SNX30: variants seen among roughly 807,000 people sequenced by gnomAD.
The protein encoded by SNX30 is sorting nexin family member 30, also known as sorting nexin-30.
A neutral mutation model predicts 46.4 loss-of-function variants in SNX30; 24 were observed. The ratio of observed to expected loss-of-function variants is 0.52; its 90% CI spans 0.37 to 0.73. SNX30 has a LOEUF of 0.73. Among genes scored for constraint, SNX30 ranks in the 30% least tolerant of loss-of-function variants. The probability of loss-of-function intolerance (pLI) is 0.00; values close to 1 mark genes in which losing one functional copy is unlikely to be tolerated. For synonymous variants in SNX30, 189 were observed against 211.5 expected (o/e 0.89, Z 0.92); for missense variants, 533 against 555.7 (o/e 0.96, Z 0.41).
intron 1 of SNX30, among the ~76,000 whole-genome samples, chr9:112,780,508 G>A (rs970358067): frequency 6.6e-6 from 1 of 152,218 alleles, no homozygotes; most frequent in African/African-American, 2.4e-5. Flanking sequence ...GCAGCTGGAA[G>A]GGGATCTCTA....
chr9:112,851,377 G>A (rs1841023559), intron 7 of SNX30, among the ~76,000 whole-genome samples: 1 of 152,228 alleles, frequency 6.6e-6, no homozygotes, highest in Non-Finnish European at 1.5e-5. Context: ...TGAACACATT[G>A]TGTTGAACAC....
chr9:112,861,831 G>A (rs535028891), intron 7 of SNX30, among the ~76,000 whole-genome samples: 65 of 152,244 alleles, frequency 4.3e-4, no homozygotes, highest in African/African-American at 1.4e-3. Context: ...TTAAAGAGCC[G>A]CCTCAGTGCT....
intron 1 of SNX30, among the ~76,000 whole-genome samples, chr9:112,772,721 C>T (rs1839672131): frequency 6.6e-6 from 1 of 152,152 alleles, no homozygotes; most frequent in African/African-American, 2.4e-5. Flanking sequence ...ATCCCAAGAT[C>T]GTAAGTTATG....
intron 7 of SNX30, among the ~76,000 whole-genome samples, chr9:112,851,257 G>T (rs766405013): frequency 1.3e-5 from 2 of 152,198 alleles, no homozygotes; most frequent in Non-Finnish European, 2.9e-5. Flanking sequence ...GCCTAAATCA[G>T]TGCTTTCAAA....
At chr9:112,824,479 A>G (rs1016976279) in intron 3 of SNX30, among the ~76,000 whole-genome samples, 1 of 151,526 alleles carries the variant, frequency 6.6e-6, no homozygotes, top group East Asian at 1.9e-4. Flanking sequence ...TTATCAGCTC[A>G]TGGCCAATCT....
At chr9:112,868,680 A>G in intron 8 of SNX30, 104 bp from the exon 9 acceptor site, 1 of 1,192,526 alleles carries the variant, frequency 8.4e-7, no homozygotes, top group Non-Finnish European at 1.3e-6. Flanking sequence ...AGACAAAGGT[A>G]ACCCAGCAGG....
At chr9:112,808,347 C>T (rs141509039) in intron 2 of SNX30, among the ~76,000 whole-genome samples, 28 of 152,254 alleles carry the variant, frequency 1.8e-4, no homozygotes, top group African/African-American at 6.7e-4. Context: ...GCTCTTTTTG[C>T]CTGAGCTAAA....
At chr9:112,846,787 A>G (rs1588136852) in intron 6 of SNX30, among the ~76,000 whole-genome samples, 1 of 152,250 alleles carries the variant, frequency 6.6e-6, no homozygotes, top group Non-Finnish European at 1.5e-5. Flanking sequence ...CCTCTTCCAC[A>G]AAGCTTTGAA....
downstream of SNX30, among the ~76,000 whole-genome samples, chr9:112,881,936 G>A (rs564127184): frequency 1.3e-5 from 2 of 152,184 alleles, no homozygotes; most frequent in African/African-American, 4.8e-5. Flanking sequence ...ACAACTAGTT[G>A]GGTGGGAAAA....
chr9:112,876,824 T>C (rs959926088), downstream of SNX30, among the ~76,000 whole-genome samples: 1 of 151,902 alleles, frequency 6.6e-6, no homozygotes, highest in African/African-American at 2.4e-5. Context: ...TATTCCCAGC[T>C]GCTCAGGTGG....
At position 112,750,902 on chromosome 9, in the gene SNX30, A is replaced by T; in HGVS notation, c.-100A>T. 1 of 1,084,292 alleles carries T rather than the reference A, an allele frequency of 9.2e-7. No homozygotes were observed. The highest frequency in any genetic ancestry group is 1.1e-6 in the Non-Finnish European group (1 of 887,884). 67.2% of individuals were successfully genotyped at this position (1,084,292 alleles called of 1,614,324 possible). ...CACGGCCGGTGCAAGGCCTCGGGTT[A>T]AGCGGCGGCCGAGCGGGGCTCGGCC... is the stretch of plus-strand genomic sequence containing the variant. On this transcript the variant is annotated 5_prime_UTR_variant, in exon 1 of 9. Transcript: ENST00000374232.
chr9:112,855,155 T>C (rs1841100485), intron 7 of SNX30, among the ~76,000 whole-genome samples: 1 of 152,050 alleles, frequency 6.6e-6, no homozygotes, highest in Non-Finnish European at 1.5e-5. Context: ...CAACTTAAGG[T>C]TTTGCTGTGC....
Position 112,836,368 on chromosome 9 carries a change from C to G in SNX30, c.773C>G (p.Thr258Ser). 1 of 1,606,742 alleles carries G rather than the reference C, an allele frequency of 6.2e-7. No homozygotes were observed. Among genetic ancestry groups the G allele is most frequent in the Non-Finnish European group, 8.5e-7 (1 of 1,173,692 alleles). The change falls in exon 5 of 9, where the codon ACC becomes AGC. Residue 258 changes from threonine to serine, a missense_variant. By Grantham distance (58) the Thr-to-Ser change is moderately conservative (BLOSUM62 1). Around this residue, in one of 3 missense-constraint regions of SNX30, gnomAD observed 261 missense variants for 270.9 expected, o/e 0.96. Transcript: ENST00000374232. Reference sequence around the variant, plus strand: ...GATACATTTGCACTCAAACTGGGAACCATTGATCGAATAGCCCAGCGGATC... The same window carrying G: ...GATACATTTGCACTCAAACTGGGAAGCATTGATCGAATAGCCCAGCGGATC... Reference protein sequence around the residue: ...YLDTFALKLGTIDRIAQRIIK... With the variant: ...YLDTFALKLGSIDRIAQRIIK...
At chr9:112,753,389 A>G (rs1412145047) in intron 1 of SNX30, among the ~76,000 whole-genome samples, 3 of 152,096 alleles carry the variant, frequency 2.0e-5, no homozygotes, top group African/African-American at 4.8e-5. Context: ...TATTGAATAT[A>G]TATGTATTTT....
At position 112,750,832 on chromosome 9, in the gene SNX30, C is replaced by G. The variant is rs1190207958; in HGVS notation, c.-170C>G. On this transcript the variant is annotated 5_prime_UTR_variant, in exon 1 of 9. Transcript: ENST00000374232. Reference sequence around the variant, plus strand: ...GGGCGCGCGGCGCGGAGCGGAGCGTCTGAGCGCCGGCAGAGACCAGCCGGC... The same window carrying G: ...GGGCGCGCGGCGCGGAGCGGAGCGTGTGAGCGCCGGCAGAGACCAGCCGGC... 2.3e-6 allele frequency: 1 copy of G among 430,008 alleles called. No individual in the cohort carries two copies. Among genetic ancestry groups the G allele is most frequent in the Non-Finnish European group, 3.1e-6 (1 of 320,314 alleles). 26.6% of individuals were successfully genotyped at this position (430,008 alleles called of 1,614,324 possible).
chr9:112,852,858 T>C (rs1841051598), intron 7 of SNX30, among the ~76,000 whole-genome samples: 2 of 152,176 alleles, frequency 1.3e-5, no homozygotes, highest in Admixed American at 1.3e-4. Context: ...GATTTCCTCC[T>C]TTGCCATGGT....
chr9:112,758,141 T>TA (rs1478107778), intron 1 of SNX30, among the ~76,000 whole-genome samples: 1 of 152,198 alleles, frequency 6.6e-6, no homozygotes, highest in Non-Finnish European at 1.5e-5. Flanking sequence ...TCTGACTCCA[T>TA]AGCCATGTTT....
chr9:112,807,070 T>C (rs1381214765), intron 2 of SNX30, among the ~76,000 whole-genome samples: 2 of 119,764 alleles, frequency 1.7e-5, no homozygotes, highest in African/African-American at 7.3e-5. Flanking sequence ...TTTTTTTTTT[T>C]TTTTTTTTTT....
At chr9:112,853,093 G>C (rs1436820122) in intron 7 of SNX30, among the ~76,000 whole-genome samples, 3 of 152,176 alleles carry the variant, frequency 2.0e-5, no homozygotes, top group Non-Finnish European at 4.4e-5. Context: ...AAATTGCCCA[G>C]CCTCTTTGAT....
Sources: allele counts gnomAD v4.1 joint callset (sites outside exome capture counted in the v4.1 genomes callset), GRCh38; gene constraint gnomAD v4.1.1; regional missense constraint gnomAD v4.1.1; transcripts MANE v1.5; gene names NCBI Gene and HGNC (gene_info 2026-07-23, HGNC 2026-07-21).